TENM2: variants seen among roughly 807,000 people sequenced by gnomAD.
TENM2 encodes the protein teneurin-2.
A neutral mutation model predicts 245.2 loss-of-function variants in TENM2; 52 were observed. The ratio of observed to expected loss-of-function variants is 0.21; its 90% confidence interval spans 0.17 to 0.27. TENM2 has a LOEUF of 0.27. Among genes scored for constraint, TENM2 ranks in the 10% least tolerant of loss-of-function variants. TENM2 has a pLI of 1.00. For synonymous variants in TENM2, 1,363 were observed against 1,438.9 expected (o/e 0.95, Z 1.19); for missense variants, 3,046 against 3,666.8 (o/e 0.83, Z 4.37).
At chr5:167,252,404 G>A in the TENM2 span, among the ~76,000 whole-genome samples, 4 of 152,162 alleles carry the variant, frequency 2.6e-5, no homozygotes, top group Admixed American at 2.0e-4. Flanking sequence ...AGTCATTGTA[G>A]TAAGTAGGCG....
intron 5 of TENM2, among the ~76,000 whole-genome samples, chr5:168,012,332 A>G (rs1363152492): frequency 6.6e-6 from 1 of 152,128 alleles, no homozygotes; most frequent in Non-Finnish European, 1.5e-5. Context: ...TGGGAGATAA[A>G]AAGAAATACA....
intron 2 of TENM2, among the ~76,000 whole-genome samples, chr5:167,457,659 T>C (rs1248946775): frequency 6.6e-6 from 1 of 152,134 alleles, no homozygotes; most frequent in Non-Finnish European, 1.5e-5. Context: ...CTTCTGCTTT[T>C]AAAGTCTCTT....
intron 3 of TENM2, among the ~76,000 whole-genome samples, chr5:167,889,311 G>A (rs921847458): frequency 2.0e-5 from 3 of 152,074 alleles, no homozygotes; most frequent in African/African-American, 7.2e-5. Flanking sequence ...TGTCCACTGT[G>A]GACGGAGGGC....
chr5:167,078,481 CTCAA>C, the TENM2 span, among the ~76,000 whole-genome samples: 1 of 111,460 alleles, frequency 9.0e-6, no homozygotes. Flanking sequence ...AAAACTCTGT[CTCAA>C]ACAACAACAA....
chr5:168,164,064 G>T (rs1235943390), intron 13 of TENM2, among the ~76,000 whole-genome samples: 1 of 152,168 alleles, frequency 6.6e-6, no homozygotes, highest in African/African-American at 2.4e-5. Context: ...CCCAGGAAAG[G>T]CCTAGGCAAG....
chr5:167,516,895 G>A (rs1327096836), intron 2 of TENM2, among the ~76,000 whole-genome samples: 1 of 152,176 alleles, frequency 6.6e-6, no homozygotes, highest in Non-Finnish European at 1.5e-5. Flanking sequence ...GTGGTATTTA[G>A]CATTTAATAA....
chr5:167,206,853 A>C, the TENM2 span, among the ~76,000 whole-genome samples: 1 of 152,162 alleles, frequency 6.6e-6, no homozygotes, highest in Non-Finnish European at 1.5e-5. Flanking sequence ...TGTTACTATG[A>C]CTTGAGATAA....
chr5:166,995,216 A>T, the TENM2 span, among the ~76,000 whole-genome samples: 1 of 151,946 alleles, frequency 6.6e-6, no homozygotes, highest in Non-Finnish European at 1.5e-5. Context: ...TATATTTTTT[A>T]AATTTTTCTT....
intron 7 of TENM2, among the ~76,000 whole-genome samples, chr5:168,088,930 C>A (rs1281917883): frequency 6.6e-6 from 1 of 152,122 alleles, no homozygotes; most frequent in East Asian, 1.9e-4. Context: ...ATGTCTGTAA[C>A]CCATAAAAAC....
the TENM2 span, among the ~76,000 whole-genome samples, chr5:167,172,088 G>A: frequency 3.3e-5 from 5 of 152,114 alleles, no homozygotes; most frequent in Admixed American, 6.5e-5. Context: ...ACAAGCCATC[G>A]TGTCTTCTCC....
At chr5:167,171,386 T>G in the TENM2 span, among the ~76,000 whole-genome samples, 4,104 of 152,266 alleles carry the variant, frequency 0.027, 283 homozygotes, top group East Asian at 0.29. Context: ...AACCACTCAC[T>G]CTAATGCTTA....
At chr5:167,879,772 T>A (rs543934629) in intron 3 of TENM2, among the ~76,000 whole-genome samples, 1 of 152,246 alleles carries the variant, frequency 6.6e-6, no homozygotes, top group South Asian at 2.1e-4. Context: ...AGCTAGGACA[T>A]CTTGGTAGAT....
chr5:167,691,896 C>CA (rs1466674869), intron 2 of TENM2, among the ~76,000 whole-genome samples: 1 of 152,108 alleles, frequency 6.6e-6, no homozygotes, highest in Non-Finnish European at 1.5e-5. Context: ...AAGTGATACA[C>CA]AAAAAACTAT....
intron 12 of TENM2, among the ~76,000 whole-genome samples, chr5:168,128,156 G>A (rs1795989047): frequency 6.6e-6 from 1 of 152,226 alleles, no homozygotes; most frequent in South Asian, 2.1e-4. Context: ...CACGACCATA[G>A]CACTGGGACC....
intron 2 of TENM2, among the ~76,000 whole-genome samples, chr5:167,564,944 T>C (rs555422283): frequency 2.0e-4 from 31 of 152,284 alleles, no homozygotes; most frequent in African/African-American, 7.0e-4. Flanking sequence ...GAGAGAGAAC[T>C]ATACAAGACT....
the TENM2 span, among the ~76,000 whole-genome samples, chr5:167,136,031 A>C: frequency 0.21 from 32,023 of 152,164 alleles, 5,667 homozygotes; most frequent in African/African-American, 0.49. Flanking sequence ...AGTATATTAC[A>C]CAAATATGTA....
chr5:167,732,853 A>G (rs1339109172), intron 2 of TENM2, among the ~76,000 whole-genome samples: 1 of 152,174 alleles, frequency 6.6e-6, no homozygotes, highest in East Asian at 1.9e-4. Context: ...GAAATTGAAG[A>G]TGTTTCCTTG....
chr5:167,144,961 T>TAAA, the TENM2 span, among the ~76,000 whole-genome samples: 3 of 152,224 alleles, frequency 2.0e-5, no homozygotes, highest in Non-Finnish European at 4.4e-5. Context: ...AATCCTTTCC[T>TAAA]TGTCCTTTAT....
At chr5:167,683,275 C>A in intron 2 of TENM2, among the ~76,000 whole-genome samples, 1 of 141,186 alleles carries the variant, frequency 7.1e-6, no homozygotes, top group East Asian at 2.2e-4. Context: ...CCCTGGGCAT[C>A]AGAAATAAAA....
Sources: gnomAD v4.1 joint callset for allele counts (sites outside exome capture counted in the v4.1 genomes callset) on GRCh38, gnomAD v4.1.1 for gene constraint, MANE v1.5 for transcripts, NCBI Gene and HGNC (gene_info 2026-07-23, HGNC 2026-07-21) for gene names.